RABGEF1: variants seen among roughly 807,000 people sequenced by gnomAD.
RABGEF1 encodes rab5 GDP/GTP exchange factor.
A neutral mutation model predicts 57.3 loss-of-function variants in RABGEF1; 26 were observed. That is an observed-to-expected ratio of 0.45 (90% CI 0.33 to 0.63). The LOEUF (loss-of-function observed/expected upper bound fraction) is 0.63, where lower values mean the gene tolerates loss of function less well. Ranked by LOEUF, RABGEF1 falls within the 20% of genes least tolerant of loss-of-function variation. RABGEF1 has a pLI of 0.02. For missense variants in RABGEF1, 464 were observed against 607.6 expected (o/e 0.76, Z 2.48); for synonymous variants, 185 against 210.7 (o/e 0.88, Z 1.06).
chr7:66,748,363 A>C (rs1034202802), intron 1 of RABGEF1, among the ~76,000 whole-genome samples: 1 of 152,164 alleles, frequency 6.6e-6, no homozygotes, highest in Non-Finnish European at 1.5e-5. Flanking sequence ...CCTACCTTCC[A>C]TACTTTCTCA....
intron 2 of RABGEF1, among the ~76,000 whole-genome samples, chr7:66,712,433 CTTAT>C (rs2117399704): frequency 6.6e-6 from 1 of 152,310 alleles, no homozygotes; most frequent in South Asian, 2.1e-4. Flanking sequence ...CCTTTACAAA[CTTAT>C]TTATAGTTTT....
At chr7:66,805,432 C>T (rs1788216418) in intron 8 of RABGEF1, 36 bp downstream of exon 8, 1 of 1,607,170 alleles carries the variant, frequency 6.2e-7, no homozygotes, top group Non-Finnish European at 8.5e-7. Flanking sequence ...TGGAGAAGGA[C>T]TAGGAAGGTG....
chr7:66,671,078 G>A, the RABGEF1 span, among the ~76,000 whole-genome samples: 2 of 152,134 alleles, frequency 1.3e-5, no homozygotes, highest in Middle Eastern at 3.4e-3. Context: ...TGCCCAGACT[G>A]TCTCAAGCTC....
At chr7:66,729,183 C>T (rs1302213170) in intron 2 of RABGEF1, among the ~76,000 whole-genome samples, 9 of 151,916 alleles carry the variant, frequency 5.9e-5, no homozygotes, top group African/African-American at 1.9e-4. Context: ...ATCTCCTGAC[C>T]TCAGGATCCA....
At chr7:66,656,191 A>T in the RABGEF1 span, among the ~76,000 whole-genome samples, 1 of 152,256 alleles carries the variant, frequency 6.6e-6, no homozygotes, top group Non-Finnish European at 1.5e-5. Flanking sequence ...ATCACGAGTC[A>T]CTGAAGTCTC....
the RABGEF1 span, among the ~76,000 whole-genome samples, chr7:66,677,014 C>CTTTA: frequency 1.3e-5 from 2 of 152,154 alleles, no homozygotes; most frequent in African/African-American, 4.8e-5. Flanking sequence ...AGTCATGAAG[C>CTTTA]TTTACCTCCA....
intron 1 of RABGEF1, among the ~76,000 whole-genome samples, chr7:66,707,353 A>G (rs1369640292): frequency 6.6e-6 from 1 of 151,970 alleles, no homozygotes; most frequent in Non-Finnish European, 1.5e-5. Context: ...TGGTTGGCAT[A>G]CATTCTGTTT....
intron 1 of RABGEF1, among the ~76,000 whole-genome samples, chr7:66,699,117 G>A (rs554511858): frequency 2.1e-4 from 32 of 152,250 alleles, no homozygotes; most frequent in African/African-American, 7.5e-4. Context: ...GTGGGGAGGC[G>A]AATTCCAGGC....
At chr7:66,774,216 T>G (rs368973774) in intron 2 of RABGEF1, among the ~76,000 whole-genome samples, 1 of 152,364 alleles carries the variant, frequency 6.6e-6, no homozygotes, top group East Asian at 1.9e-4. Flanking sequence ...TTTTGAATTT[T>G]ACCTTTTGTA....
Position 66,687,811 on chromosome 7 carries a change from C to CCTA in RABGEF1, c.-873+5553_-873+5554insCTA, listed in dbSNP as rs201618912. On this transcript the variant is annotated intron_variant and NMD_transcript_variant, in intron 1 of 9. Transcript: ENST00000607882. Reference sequence around the variant, plus strand: ...CAAAAAGTAACCAAATGAGGCCAGGCTTAGTGACTCATGCCTGTAATCCCA... The same window carrying CCTA: ...CAAAAAGTAACCAAATGAGGCCAGGCCTATTAGTGACTCATGCCTGTAATCCCA... 6.5e-3 allele frequency among the ~76,000 whole-genome samples: 984 copies of CCTA among 152,246 alleles called. 3 individuals are homozygous for CCTA. Among genetic ancestry groups the CCTA allele is most frequent in the Non-Finnish European group, 1.0e-2 (680 of 68,008 alleles).
At chr7:66,808,618 T>C (rs776351688) in intron 8 of RABGEF1, among the ~76,000 whole-genome samples, 4 of 152,080 alleles carry the variant, frequency 2.6e-5, no homozygotes, top group African/African-American at 9.7e-5. Context: ...GGATAGCAGG[T>C]CTGGGAAGAC....
the RABGEF1 span, among the ~76,000 whole-genome samples, chr7:66,673,987 T>C: frequency 6.6e-6 from 1 of 152,246 alleles, no homozygotes; most frequent in Non-Finnish European, 1.5e-5. Context: ...TTCGTTCAGA[T>C]ATTATGGTTA....
chr7:66,760,399 T>A (rs1422712806), intron 1 of RABGEF1, among the ~76,000 whole-genome samples: 1 of 152,106 alleles, frequency 6.6e-6, no homozygotes, highest in Non-Finnish European at 1.5e-5. Flanking sequence ...TATTTAACCA[T>A]CCCATAGATG....
intron 1 of RABGEF1, among the ~76,000 whole-genome samples, chr7:66,755,354 A>G (rs561356876): frequency 8.7e-4 from 132 of 152,282 alleles, no homozygotes; most frequent in Non-Finnish European, 1.6e-3. Flanking sequence ...GCACACCTGT[A>G]GTCCCAGCTA....
chr7:66,761,333 C>T (rs1186931765), intron 1 of RABGEF1, among the ~76,000 whole-genome samples: 1 of 152,304 alleles, frequency 6.6e-6, no homozygotes. Context: ...TCTAACTGAC[C>T]AGCTTCAAGT....
At chr7:66,797,615 C>T in intron 6 of RABGEF1, 109 bp downstream of exon 6, 4 of 1,211,358 alleles carry the variant, frequency 3.3e-6, no homozygotes, top group South Asian at 1.5e-5. Flanking sequence ...AGCAATAGCT[C>T]ATGTTCCTGC....
chr7:66,730,239 G>T (rs1295553649), intron 2 of RABGEF1, among the ~76,000 whole-genome samples: 1 of 152,156 alleles, frequency 6.6e-6, no homozygotes, highest in Non-Finnish European at 1.5e-5. Flanking sequence ...CAGACCACCT[G>T]GGAGCATTTC....
At chr7:66,697,170 G>T (rs1259528676) in intron 1 of RABGEF1, among the ~76,000 whole-genome samples, 1 of 152,148 alleles carries the variant, frequency 6.6e-6, no homozygotes, top group African/African-American at 2.4e-5. Context: ...CCTCCGTCCA[G>T]AAGGCAAGAG....
At chr7:66,798,833 G>A (rs1312929461) in intron 6 of RABGEF1, among the ~76,000 whole-genome samples, 1 of 152,170 alleles carries the variant, frequency 6.6e-6, no homozygotes, top group Non-Finnish European at 1.5e-5. Flanking sequence ...ATGGAGGTGG[G>A]CGCCTGTAGT....
Sources: gnomAD v4.1 joint callset for allele counts (sites outside exome capture counted in the v4.1 genomes callset) on GRCh38, gnomAD v4.1.1 for gene constraint, MANE v1.5 for transcripts, NCBI Gene and HGNC (gene_info 2026-07-23, HGNC 2026-07-21) for gene names.